Variants in LMBRD1 observed in about 807,000 individuals in gnomAD.
LMBRD1 encodes lysosomal cobalamin transport escort protein LMBD1.
A neutral mutation model predicts 74.8 loss-of-function variants in LMBRD1; 64 were observed. The observed-to-expected ratio is 0.86, with a 90% CI of 0.70 to 1.05. The LOEUF is 1.05. Ranked by LOEUF, LMBRD1 falls within the 50% of genes least tolerant of loss-of-function variation. The pLI, the probability that LMBRD1 is intolerant of heterozygous loss-of-function variation, is 0.00. For synonymous variants in LMBRD1, 204 were observed against 216.3 expected, an observed-to-expected ratio of 0.94 and a Z score of 0.50; for missense variants, 652 against 645.9, an observed-to-expected ratio of 1.01 and a Z score of -0.10.
At chr6:69,721,205 C>T (rs1766607376) in intron 7 of LMBRD1, among the ~76,000 whole-genome samples, 1 of 152,146 alleles carries the variant, frequency 6.6e-6, no homozygotes, top group Admixed American at 6.5e-5. Context: ...ACTCCTAGTG[C>T]TAGGCTGGGC....
intron 7 of LMBRD1, among the ~76,000 whole-genome samples, chr6:69,735,443 T>TAA (rs11290967): frequency 6.9e-6 from 1 of 144,546 alleles, no homozygotes. Context: ...GAAAACAACA[T>TAA]AAAAAAAAAA....
chr6:69,751,920 T>C (rs947465615), intron 4 of LMBRD1, among the ~76,000 whole-genome samples: 1 of 152,162 alleles, frequency 6.6e-6, no homozygotes, highest in African/African-American at 2.4e-5. Context: ...TCTAAAACAA[T>C]AGTTACAAGC....
At chr6:69,776,696 C>T (rs780845547) in intron 3 of LMBRD1, among the ~76,000 whole-genome samples, 2 of 152,210 alleles carry the variant, frequency 1.3e-5, no homozygotes, top group Non-Finnish European at 2.9e-5. Flanking sequence ...ATGCACGAGA[C>T]ATCTTTAGAA....
intron 14 of LMBRD1, among the ~76,000 whole-genome samples, chr6:69,693,356 C>T (rs1006372911): frequency 7.2e-5 from 11 of 151,952 alleles, no homozygotes; most frequent in Non-Finnish European, 2.9e-5. Context: ...ACTAGGATTC[C>T]AGCAATATTT....
intron 1 of LMBRD1, 134 bp from the exon 2 acceptor site, chr6:69,790,606 A>C: frequency 1.2e-6 from 1 of 851,580 alleles, no homozygotes; most frequent in Non-Finnish European, 1.9e-6. Context: ...AAAGCCCACT[A>C]TCCCTTAAAA....
chr6:69,686,581 C>A lies in LMBRD1; in HGVS notation c.1418-10040G>T, dbSNP rs532866105. Among the ~76,000 whole-genome samples, 7 of 151,940 alleles carry A rather than the reference C, an allele frequency of 4.6e-5. No individual in the cohort carries two copies. The East Asian group carries it at 1.4e-3, about 29-fold the overall frequency. ...TAAACAAATACTTTCTAATTAAAAC[C>A]CTTAAAAAACGGGCATCACCCCTGA... On this transcript the variant is annotated intron_variant, in intron 14 of 15. Transcript: ENST00000649934.
intron 3 of LMBRD1, among the ~76,000 whole-genome samples, chr6:69,773,298 C>A (rs1397372476): frequency 6.6e-6 from 1 of 152,092 alleles, no homozygotes; most frequent in Non-Finnish European, 1.5e-5. Context: ...AGGCCCTTAC[C>A]AAATGCCAGT....
At chr6:69,730,857 C>T (rs1006717713) in intron 7 of LMBRD1, among the ~76,000 whole-genome samples, 1 of 152,066 alleles carries the variant, frequency 6.6e-6, no homozygotes, top group Non-Finnish European at 1.5e-5. Context: ...AAAAGAGAAG[C>T]ATTTTTCTGC....
chr6:69,674,896 G>A lies in LMBRD1; in HGVS notation c.*1262C>T, dbSNP rs964420409. ...GCTGAGGCAGGAGAATTGCTTGAAT[G>A]CATGAAGGGGAGGTTGCAGTGAGCT... On this transcript the variant is annotated 3_prime_UTR_variant, in exon 16 of 16. Coordinates refer to ENST00000649934, the MANE Select transcript of LMBRD1 (RefSeq NM_018368.4). 2.0e-5 allele frequency among the ~76,000 whole-genome samples: 3 copies of A among 152,014 alleles called. No homozygotes were observed. The highest frequency in any genetic ancestry group is 7.2e-5 in the African/African-American group (3 of 41,412).
chr6:69,703,366 T>C (rs1766175457), intron 9 of LMBRD1, among the ~76,000 whole-genome samples: 1 of 150,532 alleles, frequency 6.6e-6, no homozygotes, highest in Non-Finnish European at 1.5e-5. Flanking sequence ...TGTAGCAGTA[T>C]AACTATGAAA....
intron 14 of LMBRD1, among the ~76,000 whole-genome samples, chr6:69,697,360 C>T (rs1398860251): frequency 6.6e-6 from 1 of 151,892 alleles, no homozygotes; most frequent in Admixed American, 6.6e-5. Context: ...AAAATTACTT[C>T]CTAAGTAATT....
intron 3 of LMBRD1, among the ~76,000 whole-genome samples, chr6:69,776,671 T>C (rs1276443868): frequency 2.0e-5 from 3 of 152,170 alleles, no homozygotes; most frequent in African/African-American, 7.2e-5. Context: ...CCCTCAAACC[T>C]TTATCTCATT....
At chr6:69,788,045 A>G (rs1226234759) in intron 2 of LMBRD1, among the ~76,000 whole-genome samples, 1 of 152,234 alleles carries the variant, frequency 6.6e-6, no homozygotes, top group Non-Finnish European at 1.5e-5. Context: ...TTTCCTAGGA[A>G]GCGAGCACTA....
chr6:69,679,443 T>C (rs1765616941), intron 14 of LMBRD1, among the ~76,000 whole-genome samples: 1 of 152,124 alleles, frequency 6.6e-6, no homozygotes, highest in Admixed American at 6.6e-5. Context: ...GCTATTCAAT[T>C]TGTCATTTTT....
chr6:69,763,356 T>C (rs973417948), intron 3 of LMBRD1, among the ~76,000 whole-genome samples: 1 of 151,706 alleles, frequency 6.6e-6, no homozygotes, highest in Non-Finnish European at 1.5e-5. Flanking sequence ...ACTAAGGGTG[T>C]ATTTGATAAT....
At chr6:69,759,783 A>G (rs1199335617) in intron 3 of LMBRD1, among the ~76,000 whole-genome samples, 1 of 152,170 alleles carries the variant, frequency 6.6e-6, no homozygotes, top group African/African-American at 2.4e-5. Flanking sequence ...AAGACACAAT[A>G]TTTAAAATCG....
In LMBRD1 at chr6:69,676,523, C is replaced by A. The variant is rs767484364; in HGVS notation, c.1436G>T (p.Arg479Leu). The A allele has an allele frequency of 6.2e-7, 1 of 1,612,696 alleles. No homozygotes were observed. Among genetic ancestry groups the A allele is most frequent in the Middle Eastern group, 1.7e-4 (1 of 6,056 alleles). ...GAACTTGTGAAGGAATAGGTATGTC[C>A]GGGTAACAGTACACTGATCTGTGAA... ...DAPEDQCTVT[R>L]TYLFLHKFWF... is the part of the protein sequence containing the mutation. The change falls in exon 15 of 16, where the codon CGG becomes CTG. Residue 479 changes from arginine (R) to leucine (L), a missense_variant. Physicochemically the swap from Arg to Leu is moderately radical, Grantham distance 102. Coordinates refer to ENST00000649934, the MANE Select transcript of LMBRD1 (RefSeq NM_018368.4).
intron 14 of LMBRD1, among the ~76,000 whole-genome samples, chr6:69,687,564 C>T (rs1765790300): frequency 6.6e-6 from 1 of 152,070 alleles, no homozygotes; most frequent in African/African-American, 2.4e-5. Flanking sequence ...GAAATTAAGA[C>T]ATTTATAAAT....
chr6:69,768,533 CTATATAT>C (rs1326591685), intron 3 of LMBRD1, among the ~76,000 whole-genome samples: 1 of 151,696 alleles, frequency 6.6e-6, no homozygotes, highest in Admixed American at 6.6e-5. Context: ...TATTTTATGT[CTATATAT>C]TATAAACCCT....
Sources: allele counts gnomAD v4.1 joint callset (sites outside exome capture counted in the v4.1 genomes callset), GRCh38; gene constraint gnomAD v4.1.1; transcripts MANE v1.5; gene names NCBI Gene and HGNC (gene_info 2026-07-23, HGNC 2026-07-21).